Variants in DNAH6 observed in about 807,000 individuals in gnomAD.
The protein encoded by DNAH6 is axonemal beta dynein heavy chain 6.
DNAH6 carries 340 observed loss-of-function variants against 491.4 expected under a neutral mutation model. The observed-to-expected ratio is 0.69, with a 90% CI of 0.63 to 0.76. The LOEUF (loss-of-function observed/expected upper bound fraction) is 0.76. Among genes scored for constraint, DNAH6 ranks in the 30% least tolerant of loss-of-function variants. DNAH6 has a pLI of 0.00. For synonymous variants in DNAH6, 1,603 were observed against 1,686.1 expected (o/e 0.95, Z 1.21); for missense variants, 4,443 against 4,972.2 (o/e 0.89, Z 3.20).
chr2:84,802,564 T>C (rs1186141454), intron 70 of DNAH6, among the ~76,000 whole-genome samples: 2 of 152,066 alleles, frequency 1.3e-5, no homozygotes, highest in African/African-American at 4.8e-5. Context: ...TAATTACTTC[T>C]ACCTAAGAAA....
chr2:84,643,464 T>TA (rs766577014), intron 33 of DNAH6, among the ~76,000 whole-genome samples: 1 of 152,134 alleles, frequency 6.6e-6, no homozygotes, highest in Non-Finnish European at 1.5e-5. Flanking sequence ...TTTCTTCTGT[T>TA]TTTTTCTCCC....
intron 68 of DNAH6, among the ~76,000 whole-genome samples, chr2:84,791,054 G>A (rs1389490520): frequency 4.6e-5 from 7 of 151,986 alleles, no homozygotes; most frequent in Non-Finnish European, 8.8e-5. Context: ...GCTGGGTGTG[G>A]TAGTGCACAC....
chr2:84,704,404 A>C, intron 51 of DNAH6, 102 bp downstream of exon 51: 97 of 855,488 alleles, frequency 1.1e-4, no homozygotes, highest in Non-Finnish European at 1.5e-4. Flanking sequence ...CCACCTTCTC[A>C]TTGCTTCAGT....
At chr2:84,699,118 A>G (rs1695642960) in intron 47 of DNAH6, among the ~76,000 whole-genome samples, 1 of 152,080 alleles carries the variant, frequency 6.6e-6, no homozygotes, top group Admixed American at 6.6e-5. Flanking sequence ...TCATACTCCA[A>G]ACCCCAGCAT....
chr2:84,797,340 G>T (rs1164164751), intron 69 of DNAH6, among the ~76,000 whole-genome samples, 197 bp from the exon 70 acceptor site: 5 of 152,190 alleles, frequency 3.3e-5, no homozygotes, highest in African/African-American at 4.8e-5. Flanking sequence ...ACAGTAATGA[G>T]ATTCTCAAGG....
intron 64 of DNAH6, among the ~76,000 whole-genome samples, chr2:84,775,444 T>G (rs1676028843): frequency 6.6e-6 from 1 of 152,198 alleles, no homozygotes; most frequent in Non-Finnish European, 1.5e-5. Context: ...GCATCTATGT[T>G]CATCATAGAT....
chr2:84,571,787 C>T (rs997301528), intron 11 of DNAH6, among the ~76,000 whole-genome samples: 28 of 150,786 alleles, frequency 1.9e-4, no homozygotes, highest in Admixed American at 1.6e-3. Context: ...AGCGTGGTGG[C>T]GGGCGCCTGT....
At position 84,781,481 on chromosome 2, in the gene DNAH6, T is replaced by C. The variant is rs1343717789; in HGVS notation, c.10704-12T>C. On this transcript the variant is annotated splice_polypyrimidine_tract_variant and intron_variant, in intron 64 of 76. Transcript: ENST00000389394. ...GCATAAGATGATATTGTGTTCTTGCTGTTCAATTCAGGGTGCAGTCAATTT... is the reference window on the plus strand; with the variant it reads ...GCATAAGATGATATTGTGTTCTTGCCGTTCAATTCAGGGTGCAGTCAATTT... 2 of 1,541,892 alleles carry C rather than the reference T, an allele frequency of 1.3e-6. No individual in the cohort carries two copies. The highest frequency in any genetic ancestry group is 8.8e-7 in the Non-Finnish European group (1 of 1,140,440).
At chr2:84,608,462 G>T (rs1685993054) in intron 21 of DNAH6, among the ~76,000 whole-genome samples, 1 of 152,208 alleles carries the variant, frequency 6.6e-6, no homozygotes, top group African/African-American at 2.4e-5. Context: ...CAGAACGGAT[G>T]TTGTGTTAGC....
chr2:84,553,048 A>G lies in DNAH6; in HGVS notation c.1602+14A>G, dbSNP rs774052114. 2 of 1,480,890 alleles carry G rather than the reference A, an allele frequency of 1.4e-6. No homozygotes were observed. Among genetic ancestry groups the G allele is most frequent in the Non-Finnish European group, 1.9e-6 (2 of 1,075,154 alleles). The allele number at this position is 1,480,890 out of a possible 1,614,324, so 91.7% of individuals were successfully genotyped here. A position where few individuals can be genotyped will look rare whatever the true frequency, so the allele number is the denominator to read the frequency against. The stretch of plus-strand genomic sequence containing the variant: ...GAAGACTTTCTGGTGTGTGTTTTTC[A>G]TGTATTATCCACATGCAAGCACCTA... On this transcript the variant is annotated intron_variant, in intron 10 of 76. Transcript: ENST00000389394.
rs1432933051 is a variant in DNAH6 at position 84,713,126 on chromosome 2, C to T, written c.9410C>T (p.Pro3137Leu). The change falls in exon 57 of 77, where the codon CCC (proline) becomes CTC (leucine). Residue 3137 changes from proline to leucine, a missense_variant. Around this residue, in one of 3 missense-constraint regions of DNAH6, gnomAD observed 1,463 missense variants for 1,656.6 expected, o/e 0.88. Coordinates refer to ENST00000389394, the MANE Select transcript of DNAH6 (RefSeq NM_001370.2). ...GAAACCTTGGATCCAGCTCTAGAAC[C>T]CATTCTTTTGAAACAAATTTTTATC... Reference protein sequence around the residue: ...LKETLDPALEPILLKQIFISG... With the variant: ...LKETLDPALELILLKQIFISG... 2 of 1,551,510 alleles carry T rather than the reference C, an allele frequency of 1.3e-6. No homozygotes were observed. The highest frequency in any genetic ancestry group is 4.9e-5 in the East Asian group (2 of 40,924).
intron 35 of DNAH6, among the ~76,000 whole-genome samples, chr2:84,656,108 C>T (rs2104577989): frequency 6.6e-6 from 1 of 152,110 alleles, no homozygotes; most frequent in East Asian, 1.9e-4. Context: ...ATTTAAGATA[C>T]TTCCATGTCT....
intron 17 of DNAH6, 143 bp from the exon 18 acceptor site, chr2:84,595,503 G>T: frequency 8.4e-6 from 6 of 711,014 alleles, no homozygotes; most frequent in Non-Finnish European, 1.3e-5. Flanking sequence ...GATATATAAT[G>T]TTATTAGCAA....
chr2:84,595,232 A>G (rs979821572), intron 17 of DNAH6, among the ~76,000 whole-genome samples: 9 of 152,240 alleles, frequency 5.9e-5, no homozygotes, highest in African/African-American at 1.9e-4. Context: ...GAGAAAAACA[A>G]TTATAGATCT....
At chr2:84,527,149 G>C (rs903436411) in intron 3 of DNAH6, among the ~76,000 whole-genome samples, 21 of 152,148 alleles carry the variant, frequency 1.4e-4, no homozygotes, top group African/African-American at 4.8e-4. Context: ...TTTCCTGGGA[G>C]GTAAAGGAAG....
intron 68 of DNAH6, among the ~76,000 whole-genome samples, 191 bp from the exon 69 acceptor site, chr2:84,796,115 G>C (rs1678321043): frequency 6.6e-6 from 1 of 152,122 alleles, no homozygotes; most frequent in Admixed American, 6.5e-5. Context: ...ACATATAGTA[G>C]ATTTTTTCTA....
At chr2:84,724,109 C>T (rs1422238650) in intron 60 of DNAH6, among the ~76,000 whole-genome samples, 2 of 152,176 alleles carry the variant, frequency 1.3e-5, no homozygotes, top group Non-Finnish European at 2.9e-5. Flanking sequence ...GTTTAACTTA[C>T]TCTCACTTTT....
intron 4 of DNAH6, among the ~76,000 whole-genome samples, chr2:84,533,111 G>C (rs946178370): frequency 2.6e-5 from 4 of 152,114 alleles, no homozygotes; most frequent in South Asian, 2.1e-4. Flanking sequence ...GTAGGAATCA[G>C]TAGTGTCTGA....
chr2:84,741,183 C>T (rs1026862223), intron 62 of DNAH6, among the ~76,000 whole-genome samples: 2 of 152,114 alleles, frequency 1.3e-5, no homozygotes, highest in Non-Finnish European at 2.9e-5. Flanking sequence ...TCCCCTTTCC[C>T]TGCTTGGCTG....
Sources: allele counts gnomAD v4.1 joint callset (sites outside exome capture counted in the v4.1 genomes callset), GRCh38; gene constraint gnomAD v4.1.1; regional missense constraint gnomAD v4.1.1; transcripts MANE v1.5; gene names NCBI Gene and HGNC (gene_info 2026-07-23, HGNC 2026-07-21).